Variants in KANK1 observed in about 807,000 individuals in gnomAD.
KANK1 encodes the protein KN motif and ankyrin repeat domains 1.
A neutral mutation model predicts 106.2 loss-of-function variants in KANK1; 109 were observed. The ratio of observed to expected loss-of-function variants is 1.03; its 90% confidence interval spans 0.88 to 1.20. The LOEUF is 1.20. KANK1 is among the 50% of genes most tolerant of loss of function. The pLI, the probability that KANK1 is intolerant of heterozygous loss-of-function variation, is 0.00. For missense variants in KANK1, 2,399 were observed against 1,710.7 expected, an observed-to-expected ratio of 1.40 and a Z score of -7.10; for synonymous variants, 873 against 652.2, an observed-to-expected ratio of 1.34 and a Z score of -5.16.
intron 1 of KANK1, among the ~76,000 whole-genome samples, chr9:567,978 A>G (rs1015954905): frequency 2.0e-5 from 3 of 151,136 alleles, no homozygotes; most frequent in African/African-American, 7.4e-5. Flanking sequence ...CCAAAGTTCA[A>G]CGCTTGGCAT....
At position 512,711 on chromosome 9, in the gene KANK1, C is replaced by G. The variant is rs140467454; in HGVS notation, c.-84+7957C>G. ...AGGCTCAAGCAGAGGGGACATCGAC[C>G]TGCCACTTGATGGGAGTGTCAAAGA... On this transcript the variant is annotated intron_variant, in intron 1 of 11. Coordinates refer to ENST00000382297, the MANE Select transcript of KANK1 (RefSeq NM_015158.5). Among the ~76,000 whole-genome samples the G allele has an allele frequency of 3.4e-3, 521 of 152,172 alleles. 6 individuals are homozygous for G. The highest frequency in any genetic ancestry group is 0.012 in the African/African-American group (500 of 41,516).
intron 1 of KANK1, among the ~76,000 whole-genome samples, chr9:607,534 G>A (rs1417381652): frequency 2.0e-5 from 3 of 147,156 alleles, no homozygotes; most frequent in Non-Finnish European, 3.0e-5. Context: ...GTTAAACACT[G>A]TTTCAGTTGA....
At chr9:592,046 A>G (rs1588084918) in intron 1 of KANK1, among the ~76,000 whole-genome samples, 1 of 151,718 alleles carries the variant, frequency 6.6e-6, no homozygotes, top group Non-Finnish European at 1.5e-5. Flanking sequence ...GTCTGTGTTG[A>G]CCACAGCGAG....
chr9:504,921 C>T (rs1426587196), intron 1 of KANK1, among the ~76,000 whole-genome samples, 167 bp downstream of exon 1: 8 of 150,496 alleles, frequency 5.3e-5, no homozygotes, highest in Non-Finnish European at 1.2e-4. Context: ...CCGCGGGCTC[C>T]CGCTCGTGCG....
At position 563,762 on chromosome 9, in the gene KANK1, T is replaced by C. The variant is rs555722850; in HGVS notation, c.-84+59008T>C. Among the ~76,000 whole-genome samples, 38 of 152,312 alleles carry C rather than the reference T, an allele frequency of 2.5e-4. 2 individuals are homozygous for C. In the South Asian group the frequency reaches 7.7e-3, roughly 31 times the overall value. ...TCAAAATTGCTCTATGGTTCAGAAATGTTTAGGGACCACTGACGCAGCAAA... is the reference window on the plus strand; with the variant it reads ...TCAAAATTGCTCTATGGTTCAGAAACGTTTAGGGACCACTGACGCAGCAAA... On this transcript the variant is annotated intron_variant, in intron 1 of 11. Transcript: ENST00000382297.
chr9:714,598 T>C (rs1827185616), intron 3 of KANK1, among the ~76,000 whole-genome samples: 1 of 152,096 alleles, frequency 6.6e-6, no homozygotes, highest in African/African-American at 2.4e-5. Context: ...CCTCAGGTGA[T>C]CTACCCACCT....
chr9:539,106 C>G (rs1416194512), intron 1 of KANK1, among the ~76,000 whole-genome samples: 1 of 152,194 alleles, frequency 6.6e-6, no homozygotes, highest in Non-Finnish European at 1.5e-5. Flanking sequence ...GTCTTGAACT[C>G]CTGGCCTCAA....
At chr9:720,813 T>C (rs1402609422) in intron 3 of KANK1, among the ~76,000 whole-genome samples, 1 of 152,198 alleles carries the variant, frequency 6.6e-6, no homozygotes, top group African/African-American at 2.4e-5. Flanking sequence ...CTCCTGTTTT[T>C]ATCCCTATTG....
intron 1 of KANK1, among the ~76,000 whole-genome samples, chr9:666,467 C>G (rs1174098937): frequency 1.3e-5 from 2 of 151,982 alleles, no homozygotes; most frequent in South Asian, 4.2e-4. Flanking sequence ...CTGGCCAGGA[C>G]TTCCGCTTTA....
chr9:610,703 C>A (rs578025660), intron 1 of KANK1, among the ~76,000 whole-genome samples: 1 of 152,174 alleles, frequency 6.6e-6, no homozygotes, highest in Non-Finnish European at 1.5e-5. Flanking sequence ...TTGTACATTC[C>A]AGGAACTGGA....
intron 1 of KANK1, among the ~76,000 whole-genome samples, chr9:552,838 C>T (rs189755979): frequency 6.6e-6 from 1 of 152,262 alleles, no homozygotes; most frequent in African/African-American, 2.4e-5. Context: ...CCATGTGATC[C>T]TTTGTTAGAA....
intron 1 of KANK1, among the ~76,000 whole-genome samples, chr9:633,748 A>T (rs1413948917): frequency 6.6e-6 from 1 of 152,082 alleles, no homozygotes; most frequent in East Asian, 1.9e-4. Context: ...GAACTCCTAG[A>T]CTCAAAGGGT....
At chr9:687,038 T>TTC in intron 2 of KANK1, 1 of 583,182 alleles carries the variant, frequency 1.7e-6, no homozygotes, top group Non-Finnish European at 2.2e-6. Flanking sequence ...TTCTTTTCTT[T>TTC]TTTTTTAATA....
In KANK1 at chr9:676,014, C is replaced by T. The variant is rs532278563; in HGVS notation, c.-83-876C>T. On this transcript the variant is annotated intron_variant, in intron 1 of 11. Coordinates refer to ENST00000382297, the MANE Select transcript of KANK1 (RefSeq NM_015158.5). ...TGCTGCTGGTGGGAATGTTTTTTAG[C>T]ATGCTAATGCATTATAATTAGCATA... Among the ~76,000 whole-genome samples, 72 of 152,212 alleles carry T rather than the reference C, an allele frequency of 4.7e-4. 1 individual carries two copies. Among genetic ancestry groups the T allele is most frequent in the Middle Eastern group, 3.4e-3 (1 of 294 alleles).
chr9:665,870 C>T (rs1364066131), intron 1 of KANK1, among the ~76,000 whole-genome samples: 1 of 152,058 alleles, frequency 6.6e-6, no homozygotes, highest in African/African-American at 2.4e-5. Flanking sequence ...AAAGATCTTT[C>T]ACAGCTTTGG....
chr9:661,813 C>T (rs966619954), intron 1 of KANK1, among the ~76,000 whole-genome samples: 138 of 152,100 alleles, frequency 9.1e-4, no homozygotes, highest in African/African-American at 3.1e-3. Context: ...TAATGATTGC[C>T]ATTCTAACTG....
At chr9:737,096 T>C (rs1833999420) in intron 7 of KANK1, among the ~76,000 whole-genome samples, 2 of 152,282 alleles carry the variant, frequency 1.3e-5, no homozygotes, top group South Asian at 4.1e-4. Context: ...GTAAACACAA[T>C]GCCAGGGCTA....
intron 1 of KANK1, among the ~76,000 whole-genome samples, chr9:597,518 T>A (rs910631277): frequency 5.3e-5 from 8 of 151,840 alleles, no homozygotes; most frequent in East Asian, 1.9e-4. Flanking sequence ...TTTGGAGACA[T>A]GTCTGTTGAA....
At chr9:629,049 A>C (rs1835042979) in intron 1 of KANK1, among the ~76,000 whole-genome samples, 1 of 146,046 alleles carries the variant, frequency 6.8e-6, no homozygotes, top group Non-Finnish European at 1.5e-5. Context: ...ACCGCACTCC[A>C]GCCTGGGCAA....
Sources: allele counts gnomAD v4.1 joint callset (sites outside exome capture counted in the v4.1 genomes callset), GRCh38; gene constraint gnomAD v4.1.1; transcripts MANE v1.5; gene names NCBI Gene and HGNC (gene_info 2026-07-23, HGNC 2026-07-21).